KCNIP1: variants seen among roughly 807,000 people sequenced by gnomAD.
KCNIP1 encodes the protein potassium voltage-gated channel interacting protein 1, also known as A-type potassium channel modulatory protein KCNIP1.
KCNIP1 carries 18 observed loss-of-function variants against 33.0 expected under a neutral mutation model. The observed-to-expected ratio is 0.55, with a 90% CI of 0.38 to 0.81. KCNIP1 has a LOEUF of 0.81. KCNIP1 is among the 30% of genes least tolerant of loss of function. The probability of loss-of-function intolerance (pLI) is 0.00; values close to 1 mark genes in which losing one functional copy is unlikely to be tolerated. For missense variants in KCNIP1, 238 were observed against 271.6 expected (o/e 0.88, Z 0.87); for synonymous variants, 93 against 98.3 (o/e 0.95, Z 0.32).
chr5:170,398,148 G>A (rs1581152717), intron 1 of KCNIP1, among the ~76,000 whole-genome samples: 1 of 152,278 alleles, frequency 6.6e-6, no homozygotes, highest in East Asian at 1.9e-4. Flanking sequence ...GCATAATGAG[G>A]CATATCTGGA....
At chr5:170,503,960 CG>C, upstream of KCNIP1, 2 of 785,804 alleles carry the variant, frequency 2.5e-6, no homozygotes, top group African/African-American at 1.9e-5. Flanking sequence ...CCCTCGCCCC[CG>C]CCCCGCCCCT....
chr5:170,538,673 C>T (rs1490715943), intron 1 of KCNIP1, among the ~76,000 whole-genome samples: 1 of 151,792 alleles, frequency 6.6e-6, no homozygotes, highest in Non-Finnish European at 1.5e-5. Context: ...GATGCTGCCC[C>T]CAAAACTCTC....
intron 1 of KCNIP1, among the ~76,000 whole-genome samples, chr5:170,634,554 T>C (rs988471781): frequency 2.6e-5 from 4 of 152,186 alleles, no homozygotes; most frequent in African/African-American, 9.7e-5. Flanking sequence ...AGATAGAATT[T>C]TGGAGTCATT....
chr5:170,547,731 A>G (rs1223209699), intron 1 of KCNIP1, among the ~76,000 whole-genome samples: 1 of 152,188 alleles, frequency 6.6e-6, no homozygotes, highest in Non-Finnish European at 1.5e-5. Flanking sequence ...ATAGCATTTC[A>G]TGGTGTATAT....
chr5:170,409,745 G>A (rs963849685), intron 1 of KCNIP1, among the ~76,000 whole-genome samples: 3 of 152,138 alleles, frequency 2.0e-5, no homozygotes, highest in African/African-American at 7.2e-5. Flanking sequence ...TCACATGGGC[G>A]AGGCCTGGCC....
chr5:170,701,900 G>T (rs1331101838), intron 1 of KCNIP1, among the ~76,000 whole-genome samples: 5 of 152,120 alleles, frequency 3.3e-5, no homozygotes, highest in African/African-American at 1.2e-4. Context: ...TGACTTCAAA[G>T]CTCACCATCA....
chr5:170,727,988 G>T (rs1454385501), intron 5 of KCNIP1, among the ~76,000 whole-genome samples: 1 of 152,088 alleles, frequency 6.6e-6, no homozygotes, highest in Non-Finnish European at 1.5e-5. Flanking sequence ...CTAACATAGG[G>T]TTTATTCCAG....
At chr5:170,358,809 G>A (rs920109665) in intron 1 of KCNIP1, among the ~76,000 whole-genome samples, 9 of 152,178 alleles carry the variant, frequency 5.9e-5, no homozygotes, top group African/African-American at 2.2e-4. Context: ...GTTTAGCTAA[G>A]TGTCGTGGCT....
intron 1 of KCNIP1, among the ~76,000 whole-genome samples, chr5:170,593,429 G>A (rs1243989312): frequency 6.6e-6 from 1 of 152,186 alleles, no homozygotes; most frequent in Non-Finnish European, 1.5e-5. Context: ...ACGGAGAGGG[G>A]AGCATTTGTA....
intron 1 of KCNIP1, among the ~76,000 whole-genome samples, chr5:170,514,207 C>G (rs1355919491): frequency 5.3e-5 from 8 of 152,210 alleles, no homozygotes; most frequent in Non-Finnish European, 2.9e-5. Context: ...CCCATGCCAA[C>G]CCTGGACCCA....
At chr5:170,530,813 C>T (rs551228821) in intron 1 of KCNIP1, among the ~76,000 whole-genome samples, 1 of 152,258 alleles carries the variant, frequency 6.6e-6, no homozygotes, top group African/African-American at 2.4e-5. Flanking sequence ...GCAGCAGAGG[C>T]AGACAGCTCT....
chr5:170,601,045 C>T (rs11749374), intron 1 of KCNIP1, among the ~76,000 whole-genome samples: 48,149 of 152,116 alleles, frequency 0.32, 8,708 homozygotes, highest in Non-Finnish European at 0.42. Context: ...AGTTTAATTC[C>T]TCCTCTATAA....
chr5:170,492,389 A>G (rs1036278566), intron 1 of KCNIP1, among the ~76,000 whole-genome samples: 5 of 152,252 alleles, frequency 3.3e-5, no homozygotes, highest in Admixed American at 3.3e-4. Context: ...TGCCCTCTCC[A>G]GGCATGCCTT....
At chr5:170,685,622 G>A (rs1233123343) in intron 1 of KCNIP1, among the ~76,000 whole-genome samples, 2 of 151,824 alleles carry the variant, frequency 1.3e-5, no homozygotes, top group Admixed American at 1.3e-4. Context: ...CTGAGTAGCT[G>A]GGATTACAGG....
In KCNIP1 at chr5:170,627,515, C is replaced by T. The variant is rs146125241; in HGVS notation, c.62-91243C>T. On this transcript the variant is annotated intron_variant, in intron 1 of 7. Coordinates refer to ENST00000328939, the MANE Select transcript of KCNIP1 (RefSeq NM_014592.4). ...GCTGGCATGGAGCTAAGGACAGGGC[C>T]AGTCCCAAGAAAACAACAAGGCTCC... Among the ~76,000 whole-genome samples, 412 of 152,312 alleles carry T rather than the reference C, an allele frequency of 2.7e-3. 7 individuals carry two copies. Among genetic ancestry groups the T allele is most frequent in the African/African-American group, 9.6e-3 (399 of 41,562 alleles).
Position 170,722,781 on chromosome 5 carries a change from T to C in KCNIP1, c.396T>C (p.Asn132=), listed in dbSNP as rs148123226. 3.7e-6 allele frequency: 6 copies of C among 1,613,922 alleles called. No individual in the cohort carries two copies. Among genetic ancestry groups the C allele is most frequent in the Non-Finnish European group, 5.1e-6 (6 of 1,179,826 alleles). ...ACGAGAAACTAAGGTGGACATTTAA[T>C]TTGTATGACATCAACAAGGACGGAT... The part of the protein sequence containing the change: ...TVHEKLRWTF[N]LYDINKDGYI... Residue 132 remains asparagine (N), a synonymous_variant, in exon 5 of 8, where the codon AAT becomes AAC. Coordinates refer to ENST00000328939, the MANE Select transcript of KCNIP1 (RefSeq NM_014592.4).
At chr5:170,380,270 A>G (rs1764186681) in intron 1 of KCNIP1, among the ~76,000 whole-genome samples, 1 of 152,230 alleles carries the variant, frequency 6.6e-6, no homozygotes, top group South Asian at 2.1e-4. Context: ...CCCCATCTGC[A>G]GCAGAATACC....
chr5:170,368,339 A>C (rs112924830), intron 1 of KCNIP1, among the ~76,000 whole-genome samples: 4,752 of 152,232 alleles, frequency 0.031, 225 homozygotes, highest in African/African-American at 0.11. Context: ...ATCTCAGCTC[A>C]CTGCAACCTC....
rs1183418492 is a variant in KCNIP1 at position 170,735,769 on chromosome 5, T to C, written c.614T>C (p.Ile205Thr). The change falls in exon 8 of 8, where the codon ATC (isoleucine) becomes ACC (threonine). Residue 205 changes from isoleucine (I) to threonine (T), a missense_variant. Ile to Thr is a moderately conservative substitution (Grantham distance 89). Coordinates refer to ENST00000328939, the MANE Select transcript of KCNIP1 (RefSeq NM_014592.4). Reference protein sequence around the residue: ...FLESCQEDDNIMRSLQLFQNV... With the variant: ...FLESCQEDDNTMRSLQLFQNV... ...CTCCTTTTTTCCCAGGACGACAACATCATGAGGTCTCTCCAGCTGTTTCAA... is the reference window on the plus strand; with the variant it reads ...CTCCTTTTTTCCCAGGACGACAACACCATGAGGTCTCTCCAGCTGTTTCAA... The C allele has an allele frequency of 6.2e-7, 1 of 1,614,064 alleles. No individual in the cohort carries two copies.
Sources: allele counts gnomAD v4.1 joint callset (sites outside exome capture counted in the v4.1 genomes callset), GRCh38; gene constraint gnomAD v4.1.1; transcripts MANE v1.5; gene names NCBI Gene and HGNC (gene_info 2026-07-23, HGNC 2026-07-21).